The following SOBP variants were observed in gnomAD, a reference collection of about 807,000 sequenced individuals.
SOBP encodes sine oculis binding protein homolog.
Under a neutral mutation model 53.6 loss-of-function variants are expected in SOBP, and 4 were observed. The ratio of observed to expected loss-of-function variants is 0.07; its 90% CI spans 0.04 to 0.17. SOBP has a LOEUF of 0.17. Among genes scored for constraint, SOBP ranks in the 10% least tolerant of loss-of-function variants. The pLI, the probability that SOBP is intolerant of heterozygous loss-of-function variation, is 1.00. For synonymous variants in SOBP, 584 were observed against 522.6 expected (o/e 1.12, Z -1.60); for missense variants, 1,088 against 1,204.7 (o/e 0.90, Z 1.43).
At chr6:107,561,885 T>A (rs1324075329) in intron 4 of SOBP, among the ~76,000 whole-genome samples, 1 of 152,190 alleles carries the variant, frequency 6.6e-6, no homozygotes, top group Non-Finnish European at 1.5e-5. Flanking sequence ...AAGAAATAGA[T>A]CCCTTGAATG....
At chr6:107,606,980 T>C (rs1428508144) in intron 5 of SOBP, among the ~76,000 whole-genome samples, 1 of 152,164 alleles carries the variant, frequency 6.6e-6, no homozygotes, top group Non-Finnish European at 1.5e-5. Flanking sequence ...CGCCTGTTGT[T>C]GGGAGAGAAT....
rs1312003245 is a variant in SOBP, at chr6:107,587,272, ATAT to A, written c.669+101_669+103del. ...TGTTCATGATTACATAATTGATGAA[ATAT>A]TATAGTTTTCTGTATAGAGTTCTAA... On this transcript the variant is annotated intron_variant, in intron 5 of 6. Coordinates refer to ENST00000317357, the MANE Select transcript of SOBP (RefSeq NM_018013.4). 4 of 960,444 alleles carry A rather than the reference ATAT, an allele frequency of 4.2e-6. No individual in the cohort carries two copies. The Admixed American group carries it at 5.2e-5, about 13-fold the overall frequency. The allele number at this position is 960,444 out of a possible 1,614,324, so 59.5% of individuals were successfully genotyped here. A position where few individuals can be genotyped will look rare whatever the true frequency, so the allele number is the denominator to read the frequency against.
intron 5 of SOBP, among the ~76,000 whole-genome samples, chr6:107,597,290 A>G (rs1054286423): frequency 2.6e-5 from 4 of 152,168 alleles, no homozygotes; most frequent in African/African-American, 9.7e-5. Context: ...TAAGTTCCAA[A>G]TTGTCTGGTA....
chr6:107,510,886 A>T (rs1665739788), intron 3 of SOBP: 2 of 152,248 alleles, frequency 1.3e-5, no homozygotes, highest in Non-Finnish European at 2.9e-5. Flanking sequence ...GATAGGGAAG[A>T]TGAGGATCAT....
rs376150319 is a variant in SOBP at position 107,582,365 on chromosome 6, A to G, written c.574-4715A>G. Among the ~76,000 whole-genome samples the G allele has an allele frequency of 5.6e-4, 86 of 152,308 alleles. 1 individual carries two copies. In the South Asian group the frequency reaches 0.017, roughly 31 times the overall value. Reference sequence around the variant, plus strand: ...GTGAATTAGTGCTGATTCAGAGGGAAAGAGAGGTGAATACAAAGTTTGTTT... The same window carrying G: ...GTGAATTAGTGCTGATTCAGAGGGAGAGAGAGGTGAATACAAAGTTTGTTT... On this transcript the variant is annotated intron_variant, in intron 4 of 6. Coordinates refer to ENST00000317357, the MANE Select transcript of SOBP (RefSeq NM_018013.4).
chr6:107,553,722 G>T (rs556053919), intron 4 of SOBP, among the ~76,000 whole-genome samples: 2 of 151,924 alleles, frequency 1.3e-5, no homozygotes, highest in Non-Finnish European at 2.9e-5. Context: ...TCCTGACCTC[G>T]TGATCCACCC....
At chr6:107,512,621 T>A (rs138958375) in intron 3 of SOBP, among the ~76,000 whole-genome samples, 20 of 152,388 alleles carry the variant, frequency 1.3e-4, no homozygotes, top group African/African-American at 4.6e-4. Context: ...CCCCACCTTG[T>A]CAACTTCTGG....
intron 4 of SOBP, among the ~76,000 whole-genome samples, chr6:107,558,836 C>T (rs1019704379): frequency 1.3e-5 from 2 of 152,088 alleles, no homozygotes; most frequent in South Asian, 4.1e-4. Context: ...TTTTATTTAA[C>T]AACTAGCTAT....
intron 4 of SOBP, among the ~76,000 whole-genome samples, chr6:107,550,699 A>T (rs544095318): frequency 6.6e-6 from 1 of 152,264 alleles, no homozygotes; most frequent in East Asian, 1.9e-4. Context: ...CAAAATATAG[A>T]TTCAGGAAAT....
At chr6:107,570,130 G>A (rs1052001409) in intron 4 of SOBP, among the ~76,000 whole-genome samples, 4 of 152,182 alleles carry the variant, frequency 2.6e-5, no homozygotes, top group Non-Finnish European at 4.4e-5. Flanking sequence ...GAGCAAGTTG[G>A]TGTTTTTTCC....
At chr6:107,613,062 A>G (rs1364446666) in intron 5 of SOBP, among the ~76,000 whole-genome samples, 1 of 152,238 alleles carries the variant, frequency 6.6e-6, no homozygotes, top group Non-Finnish European at 1.5e-5. Flanking sequence ...TGGCATACAA[A>G]TATCAGCAGT....
At chr6:107,548,019 TGA>T (rs1784350939) in intron 4 of SOBP, among the ~76,000 whole-genome samples, 1 of 152,200 alleles carries the variant, frequency 6.6e-6, no homozygotes, top group Admixed American at 6.5e-5. Flanking sequence ...TGATTTAGTT[TGA>T]TGACTTTTTA....
chr6:107,627,772 G>A (rs969824581), intron 5 of SOBP, among the ~76,000 whole-genome samples: 3 of 152,196 alleles, frequency 2.0e-5, no homozygotes, highest in East Asian at 3.9e-4. Flanking sequence ...TTGTATAAGA[G>A]CCCTTCCTGT....
At chr6:107,552,361 GA>G (rs1784483402) in intron 4 of SOBP, among the ~76,000 whole-genome samples, 1 of 152,174 alleles carries the variant, frequency 6.6e-6, no homozygotes, top group South Asian at 2.1e-4. Context: ...TAGTAAAAGG[GA>G]ATGCTCAAAT....
intron 4 of SOBP, among the ~76,000 whole-genome samples, chr6:107,578,166 C>T (rs759159162): frequency 6.6e-5 from 10 of 151,784 alleles, no homozygotes; most frequent in Non-Finnish European, 1.0e-4. Flanking sequence ...GACCTACTGA[C>T]GCTGCTTCTG....
chr6:107,629,126 C>T (rs1224114350), intron 5 of SOBP, among the ~76,000 whole-genome samples: 1 of 152,032 alleles, frequency 6.6e-6, no homozygotes, highest in Admixed American at 6.5e-5. Flanking sequence ...TGAGCTGTTA[C>T]CTAGGAGATA....
chr6:107,630,456 C>A (rs1770657402), intron 5 of SOBP, among the ~76,000 whole-genome samples: 1 of 152,152 alleles, frequency 6.6e-6, no homozygotes, highest in South Asian at 2.1e-4. Context: ...TCAGTTCAGG[C>A]TCTTATGATG....
intron 5 of SOBP, among the ~76,000 whole-genome samples, chr6:107,622,558 G>T (rs1163823875): frequency 1.3e-5 from 2 of 152,204 alleles, no homozygotes; most frequent in Non-Finnish European, 2.9e-5. Flanking sequence ...GGACCAAGTT[G>T]CCCTGGCTTA....
chr6:107,607,583 A>G (rs990264858), intron 5 of SOBP, among the ~76,000 whole-genome samples: 19 of 152,230 alleles, frequency 1.2e-4, no homozygotes, highest in Non-Finnish European at 2.2e-4. Context: ...GCTAGCACTT[A>G]TCAAACTGAA....
Sources: gnomAD v4.1 joint callset for allele counts (sites outside exome capture counted in the v4.1 genomes callset) on GRCh38, gnomAD v4.1.1 for gene constraint, MANE v1.5 for transcripts, NCBI Gene and HGNC (gene_info 2026-07-23, HGNC 2026-07-21) for gene names.